The following MYO18B variants were observed in gnomAD, a reference collection of about 807,000 sequenced individuals.
MYO18B encodes unconventional myosin-XVIIIb.
A neutral mutation model predicts 273.0 loss-of-function variants in MYO18B; 204 were observed. The ratio of observed to expected loss-of-function variants is 0.75; its 90% CI spans 0.67 to 0.84. The LOEUF (loss-of-function observed/expected upper bound fraction) is 0.84, where lower values mean the gene tolerates loss of function less well. MYO18B is among the 40% of genes least tolerant of loss of function. The probability of loss-of-function intolerance (pLI) is 0.00; values close to 1 mark genes in which losing one functional copy is unlikely to be tolerated. For missense variants in MYO18B, 3,212 were observed against 3,287.6 expected (o/e 0.98, Z 0.56); for synonymous variants, 1,330 against 1,305.7 (o/e 1.02, Z -0.40).
intron 25 of MYO18B, among the ~76,000 whole-genome samples, chr22:25,882,025 C>T (rs2091350838): frequency 6.6e-6 from 1 of 152,188 alleles, no homozygotes; most frequent in Admixed American, 6.5e-5. Flanking sequence ...CATCCCTTGT[C>T]ACTCATTTTA....
chr22:25,745,513 CTCAT>C (rs562380648), intron 1 of MYO18B, among the ~76,000 whole-genome samples: 4 of 147,720 alleles, frequency 2.7e-5, no homozygotes, highest in Admixed American at 2.0e-4. Flanking sequence ...GCACACACAT[CTCAT>C]TCAGTCTGAA....
intron 12 of MYO18B, among the ~76,000 whole-genome samples, chr22:25,820,086 T>C (rs551646206): frequency 1.5e-4 from 21 of 136,642 alleles, no homozygotes; most frequent in Non-Finnish European, 2.7e-4. Context: ...TCATCATCAC[T>C]GTCATCACCA....
chr22:25,778,506 G>T (rs2087005193), intron 8 of MYO18B, among the ~76,000 whole-genome samples: 2 of 152,028 alleles, frequency 1.3e-5, no homozygotes, highest in Non-Finnish European at 2.9e-5. Context: ...TTGAGACGGG[G>T]TCTCACTCTC....
intron 39 of MYO18B, among the ~76,000 whole-genome samples, chr22:25,973,053 A>G (rs1035330961): frequency 6.6e-6 from 1 of 151,194 alleles, no homozygotes; most frequent in Non-Finnish European, 1.5e-5. Flanking sequence ...CTGCCTCTGT[A>G]TTACTGATTT....
chr22:26,015,071 T>C (rs1305005624), intron 42 of MYO18B, among the ~76,000 whole-genome samples: 2 of 152,178 alleles, frequency 1.3e-5, no homozygotes, highest in African/African-American at 4.8e-5. Context: ...TTTGATCCCA[T>C]TTGTCAATTT....
chr22:25,966,721 A>G (rs1425645749), intron 39 of MYO18B, among the ~76,000 whole-genome samples: 4 of 152,162 alleles, frequency 2.6e-5, no homozygotes, highest in Admixed American at 6.5e-5. Context: ...CCTTCTAGGC[A>G]CTGTGGTTTC....
At chr22:25,831,168 TGA>T (rs1355042316) in intron 15 of MYO18B, among the ~76,000 whole-genome samples, 1 of 152,214 alleles carries the variant, frequency 6.6e-6, no homozygotes, top group African/African-American at 2.4e-5. Flanking sequence ...CCTGTATATA[TGA>T]GTTTGTTGTC....
At chr22:25,860,943 C>T (rs920204773) in intron 21 of MYO18B, among the ~76,000 whole-genome samples, 42 of 151,518 alleles carry the variant, frequency 2.8e-4, no homozygotes, top group African/African-American at 1.0e-3. Flanking sequence ...GGCTGGAGTG[C>T]AGTGGCACGA....
At chr22:25,834,842 T>C (rs1364096339) in intron 16 of MYO18B, among the ~76,000 whole-genome samples, 1 of 152,202 alleles carries the variant, frequency 6.6e-6, no homozygotes, top group Admixed American at 6.5e-5. Context: ...AGATTTTAGT[T>C]TAAAAAATAC....
chr22:25,998,426 G>A lies in MYO18B; in HGVS notation c.6288-4839G>A, dbSNP rs563301898. On this transcript the variant is annotated intron_variant, in intron 40 of 43. Transcript: ENST00000335473. Reference sequence around the variant, plus strand: ...GTGAATGACCTCTTGCTCTTGGGTCGGCTGAAAGTGCATAAGTACCAGCTG... The same window carrying A: ...GTGAATGACCTCTTGCTCTTGGGTCAGCTGAAAGTGCATAAGTACCAGCTG... 1.6e-4 allele frequency among the ~76,000 whole-genome samples: 24 copies of A among 152,222 alleles called. No homozygotes were observed. The South Asian group carries it at 2.5e-3, about 16-fold the overall frequency.
At chr22:25,847,071 T>A (rs1243692056) in intron 19 of MYO18B, among the ~76,000 whole-genome samples, 2 of 131,624 alleles carry the variant, frequency 1.5e-5, no homozygotes, top group Non-Finnish European at 3.3e-5. Flanking sequence ...GGAGTGAGAC[T>A]CTGTCTCAAA....
chr22:25,892,479 C>A (rs2091687045), intron 27 of MYO18B: 1 of 152,176 alleles, frequency 6.6e-6, no homozygotes, highest in Non-Finnish European at 1.5e-5. Flanking sequence ...ATGGTGACAT[C>A]TTTGCCACCT....
chr22:25,749,912 C>A (rs1035373892), intron 1 of MYO18B, among the ~76,000 whole-genome samples: 1 of 152,184 alleles, frequency 6.6e-6, no homozygotes, highest in African/African-American at 2.4e-5. Context: ...AGATCCAACT[C>A]TCTGCCTGGT....
chr22:25,954,357 AAC>A (rs1451996003), intron 38 of MYO18B, among the ~76,000 whole-genome samples: 1 of 152,184 alleles, frequency 6.6e-6, no homozygotes, highest in Admixed American at 6.5e-5. Context: ...AGGAAACAAA[AAC>A]ACATGTGGGG....
At chr22:25,745,240 G>T (rs2085743514) in intron 1 of MYO18B, among the ~76,000 whole-genome samples, 1 of 152,060 alleles carries the variant, frequency 6.6e-6, no homozygotes, top group Non-Finnish European at 1.5e-5. Flanking sequence ...CTCCTGAGTA[G>T]CTGGGACTAC....
intron 11 of MYO18B, among the ~76,000 whole-genome samples, chr22:25,787,893 G>A (rs1302123574): frequency 1.3e-5 from 2 of 152,080 alleles, no homozygotes; most frequent in African/African-American, 4.8e-5. Flanking sequence ...CATTTAATGA[G>A]CTTTGGCCCA....
intron 39 of MYO18B, among the ~76,000 whole-genome samples, chr22:25,976,260 C>T (rs531847491): frequency 9.8e-5 from 15 of 152,294 alleles, no homozygotes; most frequent in African/African-American, 3.4e-4. Flanking sequence ...TTTCTCAAGA[C>T]ACTGCTCAGT....
At chr22:25,751,540 G>A (rs1194795563) in intron 1 of MYO18B, among the ~76,000 whole-genome samples, 3 of 152,192 alleles carry the variant, frequency 2.0e-5, no homozygotes, top group African/African-American at 7.2e-5. Flanking sequence ...AGCTTTGATG[G>A]GAAGCTGAGC....
intron 25 of MYO18B, among the ~76,000 whole-genome samples, chr22:25,879,150 C>A (rs77321600): frequency 1.3e-5 from 2 of 152,336 alleles, no homozygotes; most frequent in African/African-American, 4.8e-5. Flanking sequence ...AACACAGCCA[C>A]GCTCATTCCT....
Sources: gnomAD v4.1 joint callset for allele counts (sites outside exome capture counted in the v4.1 genomes callset) on GRCh38, gnomAD v4.1.1 for gene constraint, MANE v1.5 for transcripts, NCBI Gene and HGNC (gene_info 2026-07-23, HGNC 2026-07-21) for gene names.